CDH26: variants seen among roughly 807,000 people sequenced by gnomAD.
CDH26 encodes the protein cadherin-like protein 26.
Under a neutral mutation model 90.3 loss-of-function variants are expected in CDH26, and 83 were observed. The ratio of observed to expected loss-of-function variants is 0.92; its 90% CI spans 0.77 to 1.10. CDH26 has a LOEUF of 1.10. Ranked by LOEUF, CDH26 falls within the 50% of genes least tolerant of loss-of-function variation. CDH26 has a pLI of 0.00. For missense variants in CDH26, 1,013 were observed against 1,037.6 expected (o/e 0.98, Z 0.33); for synonymous variants, 397 against 396.3 (o/e 1.00, Z -0.02).
chr20:59,973,440 T>C (rs1330896567), intron 4 of CDH26, among the ~76,000 whole-genome samples: 1 of 152,202 alleles, frequency 6.6e-6, no homozygotes, highest in Non-Finnish European at 1.5e-5. Flanking sequence ...TACAGGTTTG[T>C]TATATAGGTA....
intron 4 of CDH26, among the ~76,000 whole-genome samples, chr20:59,973,872 T>TA (rs1283815360): frequency 6.6e-6 from 1 of 152,236 alleles, no homozygotes; most frequent in Non-Finnish European, 1.5e-5. Flanking sequence ...CATATGTCTT[T>TA]ATGATAGAAT....
Position 59,972,023 on chromosome 20 carries a change from A to T in CDH26, c.293A>T (p.Asp98Val). Reference protein sequence around the residue: ...LMYLISGPGVDEYPEIGLFSL... With the variant: ...LMYLISGPGVVEYPEIGLFSL... ...TATCTAATCAGTGGACCTGGTGTGG[A>T]TGAATATCCAGAGATTGGTTTGTTT... The change falls in exon 4 of 18, where the codon GAT (aspartate) becomes GTT (valine). Residue 98 changes from aspartate (D) to valine (V), a missense_variant. By Grantham distance (152) the Asp-to-Val change is radical (BLOSUM62 -3). Coordinates refer to ENST00000348616, the MANE Select transcript of CDH26 (RefSeq NM_177980.4). The T allele has an allele frequency of 6.2e-7, 1 of 1,613,938 alleles. No individual in the cohort carries two copies. The highest frequency in any genetic ancestry group is 8.5e-7 in the Non-Finnish European group (1 of 1,179,840).
At position 60,012,587 on chromosome 20, in the gene CDH26, G is replaced by A. The variant is rs759216324; in HGVS notation, c.2356G>A (p.Glu786Lys). 55 of 1,613,994 alleles carry A rather than the reference G, an allele frequency of 3.4e-5. No homozygotes were observed. The highest frequency in any genetic ancestry group is 7.7e-5 in the South Asian group (7 of 91,070). The change falls in exon 18 of 18, where the codon GAG becomes AAG. Residue 786 changes from glutamate to lysine, a missense_variant. Glu to Lys is a moderately conservative substitution (Grantham distance 56). Transcript: ENST00000348616. Reference sequence around the variant, plus strand: ...CGGCTACCTACCTCACGTCTACAGCGAGGAAGGGGAGTGTGGAGGGGCCCC... The same window carrying A: ...CGGCTACCTACCTCACGTCTACAGCAAGGAAGGGGAGTGTGGAGGGGCCCC... ...DPGYLPHVYSEEGECGGAPSL... is the reference protein window; with the variant it reads ...DPGYLPHVYSKEGECGGAPSL...
chr20:60,033,553 A>G (rs757748281), exon 9 of CDH26: 1 of 1,304,470 alleles, frequency 7.7e-7, no homozygotes, highest in Admixed American at 2.3e-5. Context: ...TGAGAAATGA[A>G]CAAGGTGGGG....
At chr20:59,991,075 G>T (rs1471653284) in intron 9 of CDH26, among the ~76,000 whole-genome samples, 1 of 152,048 alleles carries the variant, frequency 6.6e-6, no homozygotes, top group Non-Finnish European at 1.5e-5. Context: ...TTGCCATGTT[G>T]GCCAGGCTGG....
intron 16 of CDH26, 70 bp from the exon 17 acceptor site, chr20:60,006,643 T>C (rs887945119): frequency 3.4e-5 from 38 of 1,126,312 alleles, no homozygotes; most frequent in Non-Finnish European, 5.2e-5. Context: ...CTGGGGCCAC[T>C]GACACACAGG....
At chr20:59,983,828 TA>T (rs1339479122) in intron 5 of CDH26, among the ~76,000 whole-genome samples, 10 of 152,242 alleles carry the variant, frequency 6.6e-5, no homozygotes, top group African/African-American at 2.4e-4. Context: ...GGTGCATATT[TA>T]TAAATTTCCT....
At chr20:60,016,099 T>C (rs2061903507), downstream of CDH26, among the ~76,000 whole-genome samples, 1 of 152,258 alleles carries the variant, frequency 6.6e-6, no homozygotes, top group African/African-American at 2.4e-5. Context: ...GTTTTGGCTC[T>C]TCAGGACCTT....
chr20:59,977,058 C>A (rs1338558636), intron 4 of CDH26, among the ~76,000 whole-genome samples: 3 of 152,042 alleles, frequency 2.0e-5, no homozygotes, highest in African/African-American at 7.2e-5. Flanking sequence ...TACTTCCAAG[C>A]TGAAGGTGAA....
chr20:60,008,717 G>C (rs1214857984), intron 17 of CDH26, among the ~76,000 whole-genome samples: 1 of 152,176 alleles, frequency 6.6e-6, no homozygotes, highest in Non-Finnish European at 1.5e-5. Flanking sequence ...GCTTCCTCTG[G>C]TTCCTGTCAC....
intron 4 of CDH26, among the ~76,000 whole-genome samples, chr20:59,973,473 T>C (rs113286345): frequency 5.3e-5 from 8 of 152,350 alleles, no homozygotes; most frequent in African/African-American, 1.7e-4. Flanking sequence ...GAGGGTTTAG[T>C]GTACAGGTTA....
intron 7 of CDH26, among the ~76,000 whole-genome samples, chr20:60,022,304 TG>T (rs2061964627): frequency 1.3e-5 from 2 of 152,186 alleles, no homozygotes; most frequent in South Asian, 4.1e-4. Flanking sequence ...TCAGAGAAAA[TG>T]TGATTTTATT....
In CDH26 at chr20:60,030,557, G is replaced by A. The variant is rs762756770; in HGVS notation, c.948-674G>A. 7.9e-5 allele frequency among the ~76,000 whole-genome samples: 12 copies of A among 152,188 alleles called. No individual in the cohort carries two copies. Among genetic ancestry groups the A allele is most frequent in the South Asian group, 2.1e-4 (1 of 4,824 alleles). ...TTAACTAGCTAATGTAGCCCACCCC[G>A]TTGGCCACCACTATTAGTTCAGAGA... On this transcript the variant is annotated intron_variant, in intron 7 of 8. Transcript: ENST00000370991. The surrounding 1 kb of genome is among the most constrained non-coding windows in gnomAD (Gnocchi z 4.0).
At chr20:60,012,491 T>C (rs780289747) in intron 17 of CDH26, 36 bp from the exon 18 acceptor site, 4 of 1,588,868 alleles carry the variant, frequency 2.5e-6, no homozygotes, top group Non-Finnish European at 3.4e-6. Context: ...TGGAAGCACA[T>C]GGCATTTACC....
chr20:59,998,035 T>C (rs943233449), intron 13 of CDH26, among the ~76,000 whole-genome samples: 1 of 152,200 alleles, frequency 6.6e-6, no homozygotes. Context: ...ACTCTCCAGA[T>C]TGTGAAGTCC....
chr20:59,974,662 A>G (rs2061306466), intron 4 of CDH26, among the ~76,000 whole-genome samples: 1 of 152,190 alleles, frequency 6.6e-6, no homozygotes, highest in Non-Finnish European at 1.5e-5. Flanking sequence ...CTGATCCCCC[A>G]AACATTGACC....
At chr20:60,017,980 A>C (rs1289900414), downstream of CDH26, among the ~76,000 whole-genome samples, 1 of 151,990 alleles carries the variant, frequency 6.6e-6, no homozygotes, top group African/African-American at 2.4e-5. Context: ...TACTTTATAT[A>C]ATTTTGATTT....
rs1347938506 is a variant in CDH26, at chr20:59,968,035, C to G, written c.70-932C>G. Among the ~76,000 whole-genome samples the G allele has an allele frequency of 8.5e-5, 11 of 129,400 alleles. No individual in the cohort carries two copies. The Middle Eastern group carries it at 0.011, about 124-fold the overall frequency. 84.9% of individuals were successfully genotyped at this position (129,400 alleles called of 152,430 possible). On this transcript the variant is annotated intron_variant, in intron 1 of 17. Transcript: ENST00000348616. Reference sequence around the variant, plus strand: ...TCTTCCTTTCTCTCTGTCTCTCTCTCTCTCTCTCTCTCTCTCTGTCTCTCT... The same window carrying G: ...TCTTCCTTTCTCTCTGTCTCTCTCTGTCTCTCTCTCTCTCTCTGTCTCTCT...
intron 1 of CDH26, among the ~76,000 whole-genome samples, chr20:59,959,526 G>A (rs973521584): frequency 1.3e-5 from 2 of 151,204 alleles, no homozygotes; most frequent in African/African-American, 2.4e-5. Context: ...TCAGCCTCCC[G>A]AGTACTGGGA....
Sources: gnomAD v4.1 joint callset for allele counts (sites outside exome capture counted in the v4.1 genomes callset) on GRCh38, gnomAD v4.1.1 for gene constraint, Gnocchi (gnomAD v3.1) non-coding constraint, MANE v1.5 for transcripts, NCBI Gene and HGNC (gene_info 2026-07-23, HGNC 2026-07-21) for gene names.